Variants in APBB1IP observed in about 807,000 individuals in gnomAD.
APBB1IP encodes the protein amyloid beta precursor protein binding family B member 1 interacting protein.
In APBB1IP, 27 loss-of-function variants were observed where a neutral mutation model predicts 64.9. That is an observed-to-expected ratio of 0.42 (90% confidence interval 0.31 to 0.57). APBB1IP has a LOEUF of 0.57. Among genes scored for constraint, APBB1IP ranks in the 20% least tolerant of loss-of-function variants. The probability of loss-of-function intolerance (pLI) is 0.20; values close to 1 mark genes in which losing one functional copy is unlikely to be tolerated. For synonymous variants in APBB1IP, 392 were observed against 331.0 expected, an observed-to-expected ratio of 1.18 and a Z score of -2.00; for missense variants, 812 against 845.5, an observed-to-expected ratio of 0.96 and a Z score of 0.49.
chr10:26,530,831 A>T (rs1347450746), intron 8 of APBB1IP, among the ~76,000 whole-genome samples: 2 of 152,198 alleles, frequency 1.3e-5, no homozygotes, highest in African/African-American at 2.4e-5. Flanking sequence ...GATGAAATAA[A>T]ATCGTATCTG....
At chr10:26,488,227 G>A (rs1254135413) in intron 2 of APBB1IP, among the ~76,000 whole-genome samples, 1 of 148,342 alleles carries the variant, frequency 6.7e-6, no homozygotes. Flanking sequence ...AATACTTTCT[G>A]CCATTTTGTA....
Position 26,500,945 on chromosome 10 carries a change from C to T in APBB1IP, c.287C>T (p.Ser96Leu), listed in dbSNP as rs1218916907. 4 of 1,614,204 alleles carry T rather than the reference C, an allele frequency of 2.5e-6. No individual in the cohort carries two copies. The East Asian group carries it at 6.7e-5, about 27-fold the overall frequency. Reference sequence around the variant, plus strand: ...GAGTCCTTGCAGAATCAACATCATTCAGCATCTCTACAAGCATCAATTTTC... The same window carrying T: ...GAGTCCTTGCAGAATCAACATCATTTAGCATCTCTACAAGCATCAATTTTC... The part of the protein sequence containing the change: ...QKESLQNQHH[S>L]ASLQASIFSG... The change falls in exon 5 of 15, where the codon TCA (serine) becomes TTA (leucine). Residue 96 changes from serine to leucine, a missense_variant. Ser to Leu is a moderately radical substitution (Grantham distance 145). Around this residue, in one of 3 missense-constraint regions of APBB1IP, gnomAD observed 394 missense variants for 413.1 expected, o/e 0.95. Coordinates refer to ENST00000376236, the MANE Select transcript of APBB1IP (RefSeq NM_019043.4).
intron 2 of APBB1IP, among the ~76,000 whole-genome samples, chr10:26,469,540 G>A (rs1170563702): frequency 3.3e-5 from 5 of 151,866 alleles, no homozygotes; most frequent in African/African-American, 7.3e-5. Flanking sequence ...GTGAACCACC[G>A]CACCTGGCCA....
At position 26,567,628 on chromosome 10, in the gene APBB1IP, C is replaced by T. The variant is rs572977433; in HGVS notation, c.*140C>T. 2.1e-6 allele frequency: 3 copies of T among 1,423,700 alleles called. No individual in the cohort carries two copies. The South Asian group carries it at 3.6e-5, about 17-fold the overall frequency. The allele number at this position is 1,423,700 out of a possible 1,614,324, so 88.2% of individuals were successfully genotyped here. ...TCTCACTGATGTGCTCAAGTACAGG[C>T]ATAACCATTAACCCAGTAGAGTTCA... On this transcript the variant is annotated 3_prime_UTR_variant, in exon 15 of 15. Transcript: ENST00000376236.
At chr10:26,492,255 G>A in intron 2 of APBB1IP, 72 bp from the exon 3 acceptor site, 1 of 1,368,582 alleles carries the variant, frequency 7.3e-7, no homozygotes, top group Admixed American at 1.8e-5. Flanking sequence ...GGGGGAAAGA[G>A]AGGGATGCAA....
At chr10:26,481,176 A>G (rs1835830495) in intron 2 of APBB1IP, among the ~76,000 whole-genome samples, 1 of 152,148 alleles carries the variant, frequency 6.6e-6, no homozygotes, top group Non-Finnish European at 1.5e-5. Context: ...GCTGGAGGCC[A>G]GACAGACAGA....
intron 2 of APBB1IP, among the ~76,000 whole-genome samples, chr10:26,455,542 G>A (rs182701321): frequency 2.4e-4 from 36 of 151,520 alleles, no homozygotes; most frequent in African/African-American, 7.3e-4. Context: ...ATAATAATAA[G>A]AAGAAAAACG....
At chr10:26,507,676 A>G (rs1263858124) in intron 6 of APBB1IP, among the ~76,000 whole-genome samples, 1 of 152,226 alleles carries the variant, frequency 6.6e-6, no homozygotes, top group Non-Finnish European at 1.5e-5. Context: ...TCTCAAGATA[A>G]AAAGACAAAA....
At chr10:26,493,537 A>T (rs1222638895) in intron 3 of APBB1IP, among the ~76,000 whole-genome samples, 1 of 152,236 alleles carries the variant, frequency 6.6e-6, no homozygotes, top group East Asian at 1.9e-4. Flanking sequence ...CCATGGCTTC[A>T]GCCGGTCCCT....
At chr10:26,451,280 G>A (rs970378962) in intron 2 of APBB1IP, among the ~76,000 whole-genome samples, 4 of 152,128 alleles carry the variant, frequency 2.6e-5, no homozygotes, top group Non-Finnish European at 5.9e-5. Flanking sequence ...ATAGAGGTGG[G>A]TTCTCACTAT....
intron 11 of APBB1IP, among the ~76,000 whole-genome samples, chr10:26,558,168 C>T (rs577564381): frequency 2.0e-5 from 3 of 150,416 alleles, no homozygotes; most frequent in Non-Finnish European, 4.4e-5. Flanking sequence ...CACACACACA[C>T]GATGCTTGTG....
intron 11 of APBB1IP, among the ~76,000 whole-genome samples, chr10:26,543,658 A>C (rs952642315): frequency 6.6e-6 from 1 of 152,008 alleles, no homozygotes; most frequent in African/African-American, 2.4e-5. Context: ...CATGAGGAAA[A>C]TGGCAAAGAA....
intron 10 of APBB1IP, among the ~76,000 whole-genome samples, chr10:26,540,934 C>CTT (rs112339018): frequency 7.8e-5 from 11 of 140,210 alleles, no homozygotes; most frequent in African/African-American, 2.1e-4. Context: ...CTGAGGGGGA[C>CTT]TTTTTTTTTT....
intron 2 of APBB1IP, among the ~76,000 whole-genome samples, chr10:26,458,739 A>T (rs1468060007): frequency 2.0e-5 from 3 of 152,174 alleles, no homozygotes; most frequent in Non-Finnish European, 4.4e-5. Flanking sequence ...TTCTGGTAGG[A>T]TTTTAAAGCA....
chr10:26,567,122 CT>C lies in APBB1IP; in HGVS notation c.1637del (p.Leu546CysfsTer110). 7.0e-7 allele frequency: 1 copy of C among 1,422,464 alleles called. No homozygotes were observed. Among genetic ancestry groups the C allele is most frequent in the South Asian group, 1.4e-5 (1 of 69,352 alleles). 88.1% of individuals were successfully genotyped at this position (1,422,464 alleles called of 1,614,324 possible). On this transcript the variant is annotated frameshift_variant, in exon 15 of 15. Transcript: ENST00000376236. LOFTEE classifies it low-confidence loss of function (END_TRUNC). ...LKAKGTGGGG[L>X]PAPPDDFLPP... ...AGGCCAAGGGCACAGGCGGCGGGGGCTTGCCCGCCCCACCCGACGACTTCCT... is the reference window on the plus strand; with the variant it reads ...AGGCCAAGGGCACAGGCGGCGGGGGCTGCCCGCCCCACCCGACGACTTCCT...
rs774657527 is a variant in APBB1IP at position 26,567,208 on chromosome 10, A to G, written c.1721A>G (p.Asp574Gly). 3.0e-6 allele frequency: 4 copies of G among 1,328,912 alleles called. No individual in the cohort carries two copies. The highest frequency in any genetic ancestry group is 3.5e-5 in the East Asian group (1 of 28,304). The allele number at this position is 1,328,912 out of a possible 1,614,324, so 82.3% of individuals were successfully genotyped here. The change falls in exon 15 of 15, where the codon GAC becomes GGC. Residue 574 changes from aspartate to glycine, a missense_variant. Asp to Gly is a moderately conservative substitution (Grantham distance 94). Transcript: ENST00000376236. ...CCTGAGCTCCCGCCGCCGCCCCCGG[A>G]CTTCATGGAGCCGCCCCCAGACTTC... ...DDPELPPPPP[D>G]FMEPPPDFVP...
intron 3 of APBB1IP, 27 bp from the exon 4 acceptor site, chr10:26,496,277 C>A: frequency 1.3e-6 from 2 of 1,553,018 alleles, no homozygotes; most frequent in East Asian, 4.5e-5. Context: ...TCATGAATAA[C>A]TTTGATGGGG....
rs569962300 is a variant in APBB1IP at position 26,530,517 on chromosome 10, C to A, written c.814-2922C>A. Among the ~76,000 whole-genome samples the A allele has an allele frequency of 2.6e-5, 4 of 152,026 alleles. No individual in the cohort carries two copies. In the South Asian group the frequency reaches 8.3e-4, roughly 32 times the overall value. On this transcript the variant is annotated intron_variant, in intron 8 of 14. Transcript: ENST00000376236. ...CCATCCTGGCCAACATGGTGAAACCCCGTCTCTACTAAAAATACAAAAATT... is the reference window on the plus strand; with the variant it reads ...CCATCCTGGCCAACATGGTGAAACCACGTCTCTACTAAAAATACAAAAATT...
chr10:26,467,827 A>G (rs148031941), intron 2 of APBB1IP, among the ~76,000 whole-genome samples: 1 of 152,340 alleles, frequency 6.6e-6, no homozygotes, highest in African/African-American at 2.4e-5. Flanking sequence ...CCCAAAGCTT[A>G]GCTTTGATCT....
Sources: allele counts gnomAD v4.1 joint callset (sites outside exome capture counted in the v4.1 genomes callset), GRCh38; gene constraint gnomAD v4.1.1; regional missense constraint gnomAD v4.1.1; transcripts MANE v1.5; gene names NCBI Gene and HGNC (gene_info 2026-07-23, HGNC 2026-07-21).